Variants in DDX24 observed in about 807,000 individuals in gnomAD.
The protein encoded by DDX24 is ATP-dependent RNA helicase DDX24.
DDX24 carries 24 observed loss-of-function variants against 68.9 expected under a neutral mutation model. That is an observed-to-expected ratio of 0.35 (90% CI 0.25 to 0.49). The LOEUF is 0.49. Among genes scored for constraint, DDX24 ranks in the 20% least tolerant of loss-of-function variants. The pLI is 0.99. For synonymous variants in DDX24, 395 were observed against 385.2 expected, an observed-to-expected ratio of 1.03 and a Z score of -0.30; for missense variants, 989 against 1,039.0, an observed-to-expected ratio of 0.95 and a Z score of 0.66.
At chr14:94,061,966 A>T (rs1885605315) in intron 3 of DDX24, 131 bp downstream of exon 3, 1 of 1,030,014 alleles carries the variant, frequency 9.7e-7, no homozygotes, top group Non-Finnish European at 1.4e-6. Context: ...AATTTTCTGT[A>T]GGGCTTAATT....
intron 2 of DDX24, among the ~76,000 whole-genome samples, chr14:94,078,124 T>A (rs753381520): frequency 3.3e-5 from 5 of 152,152 alleles, no homozygotes; most frequent in Non-Finnish European, 7.3e-5. Context: ...ATAAGACCTA[T>A]GTTGTATGAG....
At chr14:94,068,137 C>T (rs1188242723) in intron 2 of DDX24, among the ~76,000 whole-genome samples, 1 of 152,132 alleles carries the variant, frequency 6.6e-6, no homozygotes, top group Non-Finnish European at 1.5e-5. Context: ...CATAAGGACT[C>T]ACATAAACTT....
chr14:94,049,012 G>C lies in DDX24; in HGVS notation c.*2179C>G, dbSNP rs1322488790. On this transcript the variant is annotated 3_prime_UTR_variant, in exon 9 of 9. Transcript: ENST00000621632. ...CTTTTCCGTGGTGCTTATGTATTAA[G>C]TAGATTAGCTGGGGAGGGATATTCC... 1.3e-5 allele frequency: 2 copies of C among 152,274 alleles called. No homozygotes were observed. The highest frequency in any genetic ancestry group is 2.9e-5 in the Non-Finnish European group (2 of 68,066). The allele number at this position is 152,274 out of a possible 1,614,324, so 9.4% of individuals were successfully genotyped here.
intron 2 of DDX24, among the ~76,000 whole-genome samples, chr14:94,069,992 C>T (rs773372355): frequency 1.3e-5 from 2 of 152,020 alleles, no homozygotes; most frequent in Non-Finnish European, 2.9e-5. Context: ...TCTTCAACAT[C>T]GTCCTGGAAG....
intron 5 of DDX24, among the ~76,000 whole-genome samples, chr14:94,058,333 G>A (rs1252212337): frequency 6.6e-6 from 1 of 152,164 alleles, no homozygotes; most frequent in Admixed American, 6.5e-5. Context: ...AGGCCTTAAA[G>A]GGTCTTGCCT....
intron 2 of DDX24, among the ~76,000 whole-genome samples, chr14:94,078,357 T>C (rs543064031): frequency 6.6e-6 from 1 of 152,214 alleles, no homozygotes; most frequent in African/African-American, 2.4e-5. Flanking sequence ...CAGGCAGTAC[T>C]AGTTCCTCCC....
intron 1 of DDX24, among the ~76,000 whole-genome samples, chr14:94,080,437 T>A (rs1480067436): frequency 6.6e-6 from 1 of 152,030 alleles, no homozygotes; most frequent in Admixed American, 6.5e-5. Flanking sequence ...GATAACAGAT[T>A]CCGTGAAAAA....
intron 2 of DDX24, among the ~76,000 whole-genome samples, chr14:94,069,272 T>C (rs906844514): frequency 3.7e-4 from 56 of 152,010 alleles, no homozygotes; most frequent in African/African-American, 1.2e-3. Context: ...CTAGAAAAGA[T>C]GGATAAATTC....
At chr14:94,078,912 G>A (rs1885998738) in intron 2 of DDX24, 113 bp downstream of exon 2, 10 of 1,170,062 alleles carry the variant, frequency 8.5e-6, no homozygotes, top group Non-Finnish European at 1.1e-5. Context: ...TTTATTCAGC[G>A]TTGCTTTTGT....
intron 2 of DDX24, among the ~76,000 whole-genome samples, chr14:94,065,171 C>G (rs541887348): frequency 6.6e-6 from 1 of 152,124 alleles, no homozygotes; most frequent in Non-Finnish European, 1.5e-5. Context: ...GCCTCAGCCT[C>G]CCAAGTAGCT....
intron 6 of DDX24, 27 bp from the exon 7 acceptor site, chr14:94,055,211 A>G (rs760411998): frequency 3.1e-6 from 5 of 1,602,572 alleles, no homozygotes; most frequent in Non-Finnish European, 4.3e-6. Flanking sequence ...TGGGAGATCA[A>G]TACATGGCCA....
At chr14:94,057,944 T>G (rs1206308856) in intron 5 of DDX24, 47 bp from the exon 6 acceptor site, 1 of 1,573,066 alleles carries the variant, frequency 6.4e-7, no homozygotes, top group Non-Finnish European at 8.7e-7. Flanking sequence ...ACAGCTATCT[T>G]TAATCAAATT....
Position 94,051,146 on chromosome 14 carries a change from C to T in DDX24, c.*45G>A, listed in dbSNP as rs765742875. On this transcript the variant is annotated 3_prime_UTR_variant, in exon 9 of 9. Coordinates refer to ENST00000621632, the MANE Select transcript of DDX24 (RefSeq NM_020414.4). ...AGGGTGGGAGAGGTTTTGCAAATAG[C>T]CAGAGAACAGAAACCAATGTGCAGT... The T allele has an allele frequency of 6.9e-5, 102 of 1,482,758 alleles. No individual in the cohort carries two copies. Among genetic ancestry groups the T allele is most frequent in the Non-Finnish European group, 7.9e-5 (88 of 1,118,828 alleles). 91.9% of individuals were successfully genotyped at this position (1,482,758 alleles called of 1,614,324 possible).
chr14:94,075,563 C>G (rs1482229436), intron 2 of DDX24, among the ~76,000 whole-genome samples: 1 of 152,152 alleles, frequency 6.6e-6, no homozygotes, highest in East Asian at 1.9e-4. Context: ...GAACAAAACA[C>G]AGGAGAAATC....
chr14:94,076,956 CAAGATG>C (rs1485599932), intron 2 of DDX24, among the ~76,000 whole-genome samples: 2 of 152,164 alleles, frequency 1.3e-5, no homozygotes, highest in African/African-American at 4.8e-5. Flanking sequence ...TACTGAAAGT[CAAGATG>C]AAGATGAACA....
chr14:94,052,290 C>T (rs1163538883), intron 8 of DDX24, among the ~76,000 whole-genome samples: 1 of 152,214 alleles, frequency 6.6e-6, no homozygotes, highest in Admixed American at 6.5e-5. Context: ...GCAGATTCAT[C>T]CCTGAAGCCT....
chr14:94,070,417 T>C (rs923788631), intron 2 of DDX24, among the ~76,000 whole-genome samples: 1 of 152,182 alleles, frequency 6.6e-6, no homozygotes, highest in Non-Finnish European at 1.5e-5. Context: ...AAATCAATAT[T>C]GTGAAAATGA....
chr14:94,050,945 G>T lies in DDX24; in HGVS notation c.*246C>A. 1.6e-5 allele frequency: 6 copies of T among 376,424 alleles called. No homozygotes were observed. Among genetic ancestry groups the T allele is most frequent in the Non-Finnish European group, 1.9e-5 (4 of 214,410 alleles). 23.3% of individuals were successfully genotyped at this position (376,424 alleles called of 1,614,324 possible). ...GCTCTGACCATTGTTTTTAATTTAT[G>T]AAATCAAGTTTAACACACAAGAAGC... is the stretch of plus-strand genomic sequence containing the variant. On this transcript the variant is annotated 3_prime_UTR_variant, in exon 9 of 9. Transcript: ENST00000621632.
chr14:94,061,632 GAA>G, intron 3 of DDX24, among the ~76,000 whole-genome samples: 1 of 152,202 alleles, frequency 6.6e-6, no homozygotes, highest in Non-Finnish European at 1.5e-5. Context: ...TTCCCTGAGA[GAA>G]TTAAATCCTA....
Sources: gnomAD v4.1 joint callset for allele counts (sites outside exome capture counted in the v4.1 genomes callset) on GRCh38, gnomAD v4.1.1 for gene constraint, MANE v1.5 for transcripts, NCBI Gene and HGNC (gene_info 2026-07-23, HGNC 2026-07-21) for gene names.